The following DCC variants were observed in gnomAD, a reference collection of about 807,000 sequenced individuals.
DCC encodes netrin receptor DCC.
A neutral mutation model predicts 172.5 loss-of-function variants in DCC; 58 were observed. That is an observed-to-expected ratio of 0.34 (90% confidence interval 0.27 to 0.42). DCC has a LOEUF of 0.42. DCC is among the 10% of genes least tolerant of loss of function. The pLI, the probability that DCC is intolerant of heterozygous loss-of-function variation, is 1.00. For missense variants in DCC, 1,740 were observed against 1,791.0 expected, an observed-to-expected ratio of 0.97 and a Z score of 0.51; for synonymous variants, 709 against 644.5, an observed-to-expected ratio of 1.10 and a Z score of -1.52.
At chr18:52,801,011 G>A (rs2037974789) in intron 2 of DCC, among the ~76,000 whole-genome samples, 1 of 152,120 alleles carries the variant, frequency 6.6e-6, no homozygotes, top group Non-Finnish European at 1.5e-5. Flanking sequence ...CCTCTGGCAG[G>A]CTAGCTTGGA....
chr18:53,429,091 T>C (rs1220864266), intron 21 of DCC, among the ~76,000 whole-genome samples: 8 of 95,036 alleles, frequency 8.4e-5, no homozygotes, highest in Non-Finnish European at 1.8e-4. Context: ...TTATATAATA[T>C]ATATTTTATA....
chr18:52,937,756 C>T (rs117362647), intron 5 of DCC, among the ~76,000 whole-genome samples: 4,932 of 152,202 alleles, frequency 0.032, 104 homozygotes, highest in Non-Finnish European at 0.05. Flanking sequence ...GCTGGGATTA[C>T]AGGCATGAGT....
intron 5 of DCC, among the ~76,000 whole-genome samples, chr18:52,972,853 C>A (rs1396742773): frequency 1.3e-5 from 2 of 152,106 alleles, no homozygotes; most frequent in East Asian, 3.9e-4. Context: ...TTTACATTAC[C>A]CTCAGAGACA....
chr18:53,453,647 C>T (rs1261683456), intron 23 of DCC, among the ~76,000 whole-genome samples: 1 of 152,136 alleles, frequency 6.6e-6, no homozygotes, highest in African/African-American at 2.4e-5. Context: ...GGTAAGATTT[C>T]ATTTTTATTA....
At chr18:53,100,844 A>G (rs773780432) in intron 7 of DCC, among the ~76,000 whole-genome samples, 197 of 152,192 alleles carry the variant, frequency 1.3e-3, no homozygotes, top group Non-Finnish European at 2.4e-3. Context: ...AGAGGAATGG[A>G]GAGAGCCTGT....
Position 53,228,454 on chromosome 18 carries a change from C to T in DCC, c.1911+12857C>T, listed in dbSNP as rs553214364. On this transcript the variant is annotated intron_variant, in intron 12 of 28. Transcript: ENST00000442544. ...AGTCACTTTCTAAACACTTCAGCTC[C>T]GTAAGAGTCTTCCAAATTATTTGTC... is the stretch of plus-strand genomic sequence containing the variant. Among the ~76,000 whole-genome samples, 19 of 152,112 alleles carry T rather than the reference C, an allele frequency of 1.2e-4. 2 individuals are homozygous for T. In the South Asian group the frequency reaches 3.9e-3, roughly 32 times the overall value.
rs559796273 is a variant in DCC, at chr18:52,805,650, G to C, written c.412+53276G>C. 3.3e-5 allele frequency among the ~76,000 whole-genome samples: 5 copies of C among 152,262 alleles called. No individual in the cohort carries two copies. In the South Asian group the frequency reaches 1.0e-3, roughly 32 times the overall value. On this transcript the variant is annotated intron_variant, in intron 2 of 28. Transcript: ENST00000442544. ...TTACCTTGATTTAAAGTCTACCAAA[G>C]AAACTACTTTCAGTAAAGTCTACCA...
In DCC at chr18:52,487,804, C is replaced by T. The variant is rs191274426; in HGVS notation, c.91+146926C>T. On this transcript the variant is annotated intron_variant, in intron 1 of 28. Coordinates refer to ENST00000442544, the MANE Select transcript of DCC (RefSeq NM_005215.4). ...CCAGTCTGGGTGACAGAGTGAGACTCCACCTCAAAAAAAAAAAAAAAAAAA... is the reference window on the plus strand; with the variant it reads ...CCAGTCTGGGTGACAGAGTGAGACTTCACCTCAAAAAAAAAAAAAAAAAAA... Among the ~76,000 whole-genome samples, 883 of 102,386 alleles carry T rather than the reference C, an allele frequency of 8.6e-3. 6 individuals carry two copies. The highest frequency in any genetic ancestry group is 0.014 in the Admixed American group (110 of 7,842). 67.2% of individuals were successfully genotyped at this position (102,386 alleles called of 152,430 possible).
chr18:53,406,003 G>A lies in DCC; in HGVS notation c.2935+3110G>A, dbSNP rs184405524. 3.2e-3 allele frequency among the ~76,000 whole-genome samples: 490 copies of A among 152,142 alleles called. 6 individuals are homozygous for A. Among genetic ancestry groups the A allele is most frequent in the African/African-American group, 0.011 (460 of 41,508 alleles). On this transcript the variant is annotated intron_variant, in intron 19 of 28. Transcript: ENST00000442544. ...ATTTTAATTTAATTCATATGAGAAGGGACTGAGCATGGTAATTTTTAAAAG... is the reference window on the plus strand; with the variant it reads ...ATTTTAATTTAATTCATATGAGAAGAGACTGAGCATGGTAATTTTTAAAAG...
intron 1 of DCC, among the ~76,000 whole-genome samples, chr18:52,492,755 A>G (rs1339967399): frequency 1.3e-5 from 2 of 152,018 alleles, no homozygotes; most frequent in African/African-American, 4.8e-5. Flanking sequence ...ATGTTCAGCT[A>G]CTCAGGTGAG....
intron 1 of DCC, among the ~76,000 whole-genome samples, chr18:52,618,105 C>T (rs992442363): frequency 6.6e-6 from 1 of 152,140 alleles, no homozygotes; most frequent in Admixed American, 6.5e-5. Context: ...GTCATTAAAG[C>T]CACAAGCTTG....
intron 1 of DCC, among the ~76,000 whole-genome samples, chr18:52,503,870 A>T (rs1327794496): frequency 1.3e-5 from 2 of 152,124 alleles, no homozygotes; most frequent in African/African-American, 4.8e-5. Context: ...ACAGTGTTAG[A>T]TGCATCTACC....
intron 5 of DCC, among the ~76,000 whole-genome samples, chr18:53,030,751 G>A (rs2042015677): frequency 6.6e-6 from 1 of 152,176 alleles, no homozygotes; most frequent in South Asian, 2.1e-4. Flanking sequence ...GGAGCACAGT[G>A]TTAGTTGCAT....
At chr18:53,098,520 G>A (rs2043118588) in intron 7 of DCC, among the ~76,000 whole-genome samples, 1 of 152,144 alleles carries the variant, frequency 6.6e-6, no homozygotes, top group Admixed American at 6.5e-5. Context: ...TTTATCCAGT[G>A]TTTCGTGATG....
intron 12 of DCC, among the ~76,000 whole-genome samples, chr18:53,243,894 G>T (rs768501888): frequency 6.6e-6 from 1 of 151,944 alleles, no homozygotes; most frequent in African/African-American, 2.4e-5. Flanking sequence ...AAATCTTCTC[G>T]TTAGCCAAAA....
At chr18:52,794,615 G>A (rs1261180112) in intron 2 of DCC, among the ~76,000 whole-genome samples, 1 of 151,768 alleles carries the variant, frequency 6.6e-6, no homozygotes, top group South Asian at 2.1e-4. Context: ...TTTCCAATTT[G>A]GATGCCTTTT....
At chr18:53,514,381 C>A (rs531223447) in intron 27 of DCC, among the ~76,000 whole-genome samples, 4 of 151,892 alleles carry the variant, frequency 2.6e-5, no homozygotes, top group African/African-American at 7.3e-5. Flanking sequence ...CTAACATCAC[C>A]ATTAAAAGAA....
At chr18:53,190,503 T>A (rs1012852737) in intron 9 of DCC, among the ~76,000 whole-genome samples, 7 of 141,314 alleles carry the variant, frequency 5.0e-5, no homozygotes, top group African/African-American at 1.8e-4. Context: ...TGTGTGTGTG[T>A]ACACAAACTA....
chr18:52,840,425 G>A (rs988064627), intron 2 of DCC, among the ~76,000 whole-genome samples: 1 of 152,088 alleles, frequency 6.6e-6, no homozygotes, highest in Admixed American at 6.6e-5. Flanking sequence ...CTAGTATTCA[G>A]GCATTAATAT....
Sources: gnomAD v4.1 joint callset for allele counts (sites outside exome capture counted in the v4.1 genomes callset) on GRCh38, gnomAD v4.1.1 for gene constraint, MANE v1.5 for transcripts, NCBI Gene and HGNC (gene_info 2026-07-23, HGNC 2026-07-21) for gene names.